The following ABI3BP variants were observed in gnomAD, a reference collection of about 807,000 sequenced individuals.
ABI3BP encodes the protein ABI family member 3 binding protein, also known as target of Nesh-SH3.
In ABI3BP, 216 loss-of-function variants were observed where a neutral mutation model predicts 268.6. The observed-to-expected ratio is 0.80, with a 90% CI of 0.72 to 0.90. The LOEUF is 0.90. Among genes scored for constraint, ABI3BP ranks in the 40% least tolerant of loss-of-function variants. ABI3BP has a pLI of 0.00. For missense variants in ABI3BP, 2,090 were observed against 2,182.4 expected, an observed-to-expected ratio of 0.96 and a Z score of 0.84; for synonymous variants, 730 against 730.0, an observed-to-expected ratio of 1.00 and a Z score of 0.00.
chr3:100,883,477 A>C (rs1396672056), intron 6 of ABI3BP, among the ~76,000 whole-genome samples: 4 of 152,240 alleles, frequency 2.6e-5, no homozygotes, highest in South Asian at 4.1e-4. Flanking sequence ...AACGCCCAAC[A>C]AACAAAGAAC....
intron 67 of ABI3BP, 110 bp from the exon 68 acceptor site, chr3:100,750,720 C>G (rs1198786288): frequency 1.4e-6 from 1 of 697,496 alleles, no homozygotes; most frequent in African/African-American, 1.8e-5. Flanking sequence ...CTTAGTGAAG[C>G]GAGGTAATTT....
In ABI3BP at chr3:100,888,852, T is replaced by C. The variant is rs2043166032; in HGVS notation, c.462-2529A>G. Among the ~76,000 whole-genome samples the C allele has an allele frequency of 2.0e-5, 3 of 149,748 alleles. No individual in the cohort carries two copies. In the Admixed American group the frequency reaches 2.0e-4, roughly 10 times the overall value. ...TTTCAAGCAGAGAGATTAGGCCACT[T>C]AACTATACTTAAAGTGGTGAAGTAA... On this transcript the variant is annotated intron_variant, in intron 4 of 67. Coordinates refer to ENST00000471714, the MANE Select transcript of ABI3BP (RefSeq NM_001375547.2).
chr3:100,957,593 C>A (rs1389705511), intron 1 of ABI3BP, among the ~76,000 whole-genome samples: 3 of 152,040 alleles, frequency 2.0e-5, no homozygotes, highest in Admixed American at 1.3e-4. Context: ...AGAAGAGATC[C>A]AGGAACTCAG....
intron 6 of ABI3BP, among the ~76,000 whole-genome samples, chr3:100,884,627 CAT>C (rs1298624692): frequency 2.0e-5 from 3 of 151,982 alleles, no homozygotes; most frequent in African/African-American, 4.8e-5. Flanking sequence ...CTTAATTAGA[CAT>C]AAAAAGATGT....
chr3:100,819,187 T>A (rs1377905335), intron 40 of ABI3BP, among the ~76,000 whole-genome samples: 1 of 152,148 alleles, frequency 6.6e-6, no homozygotes, highest in Non-Finnish European at 1.5e-5. Flanking sequence ...TTTCTTCAAC[T>A]GCTCTTATAA....
rs72930656 is a variant in ABI3BP at position 100,775,093 on chromosome 3, T to C, written c.4462+114A>G. 1,289 of 1,240,182 alleles carry C rather than the reference T, an allele frequency of 1.0e-3. 13 individuals are homozygous for C. The African/African-American group carries it at 0.017, about 17-fold the overall frequency. 76.8% of individuals were successfully genotyped at this position (1,240,182 alleles called of 1,614,324 possible). A position where few individuals can be genotyped will look rare whatever the true frequency, so the allele number is the denominator to read the frequency against. On this transcript the variant is annotated intron_variant, in intron 60 of 67. Coordinates refer to ENST00000471714, the MANE Select transcript of ABI3BP (RefSeq NM_001375547.2). ...AAATTAAAAACAACCATATTAATCA[T>C]AAAATGGAGTAAAATAGAAGACCTC...
intron 14 of ABI3BP, among the ~76,000 whole-genome samples, chr3:100,854,203 A>T (rs1177985328): frequency 7.3e-5 from 11 of 151,492 alleles, no homozygotes; most frequent in Admixed American, 5.3e-4. Flanking sequence ...AAAAAAAAAA[A>T]AATACAAAAA....
rs910656055 is a variant in ABI3BP at position 100,753,707 on chromosome 3, T to C, written c.4960+112A>G. ...AAACATTCACAACTGTTTGGTGTTA[T>C]AAGAAGACTAAGTGGAAAAACGCGA... On this transcript the variant is annotated intron_variant, in intron 65 of 67. Coordinates refer to ENST00000471714, the MANE Select transcript of ABI3BP (RefSeq NM_001375547.2). The C allele has an allele frequency of 1.6e-5, 19 of 1,158,608 alleles. No homozygotes were observed. The South Asian group carries it at 1.8e-4, about 11-fold the overall frequency. 71.8% of individuals were successfully genotyped at this position (1,158,608 alleles called of 1,614,324 possible). A position where few individuals can be genotyped will look rare whatever the true frequency, so the allele number is the denominator to read the frequency against.
rs998299077 is a variant in ABI3BP at position 100,772,484 on chromosome 3, T to C, written c.4532-1532A>G. Among the ~76,000 whole-genome samples the C allele has an allele frequency of 4.6e-5, 7 of 152,326 alleles. No homozygotes were observed. The East Asian group carries it at 1.2e-3, about 25-fold the overall frequency. ...AAAGGCCAAGAGGGGAGTAAAGCTA[T>C]GCTAGTGTGAGGTTCTTATATGTGA... On this transcript the variant is annotated intron_variant, in intron 61 of 67. Coordinates refer to ENST00000471714, the MANE Select transcript of ABI3BP (RefSeq NM_001375547.2).
intron 65 of ABI3BP, 42 bp downstream of exon 65, chr3:100,753,777 T>G (rs2095467142): frequency 6.2e-7 from 1 of 1,603,068 alleles, no homozygotes; most frequent in Non-Finnish European, 8.5e-7. Context: ...TGAATAAATT[T>G]AGAAAAGCAT....
chr3:100,985,206 G>A (rs907884444), intron 1 of ABI3BP, among the ~76,000 whole-genome samples: 1 of 136,642 alleles, frequency 7.3e-6, no homozygotes, highest in African/African-American at 2.8e-5. Context: ...CTGGAGTGCA[G>A]TGCTGCGATC....
chr3:100,873,609 G>T (rs2099131869), intron 9 of ABI3BP, among the ~76,000 whole-genome samples: 1 of 152,132 alleles, frequency 6.6e-6, no homozygotes, highest in Non-Finnish European at 1.5e-5. Context: ...CCAGCCTATT[G>T]TTATGTTTCA....
intron 1 of ABI3BP, among the ~76,000 whole-genome samples, chr3:100,977,287 A>T (rs914010559): frequency 2.0e-5 from 3 of 152,224 alleles, no homozygotes; most frequent in Non-Finnish European, 2.9e-5. Flanking sequence ...TATATAATAA[A>T]TTAACCCAAA....
chr3:100,946,222 T>G (rs976583988), intron 1 of ABI3BP, among the ~76,000 whole-genome samples: 2 of 150,814 alleles, frequency 1.3e-5, no homozygotes, highest in African/African-American at 4.9e-5. Context: ...AATGCAAAAA[T>G]TAGTCAAGCA....
chr3:100,819,564 T>C (rs2098144514), intron 40 of ABI3BP, among the ~76,000 whole-genome samples: 1 of 152,168 alleles, frequency 6.6e-6, no homozygotes, highest in Non-Finnish European at 1.5e-5. Flanking sequence ...TGTGGGAAGA[T>C]AGAAGGCACT....
chr3:100,778,354 TG>T lies in ABI3BP; in HGVS notation c.4262del (p.Pro1421HisfsTer32). ...TTCTTCGTGGGTGTGTAGGTCTGGG[TG>T]GCAAGGGTGGGCGGCGAGTCCCTGG... ...KKPGTRRPPL[P>X]PRPTHPRRKP... On this transcript the variant is annotated frameshift_variant, in exon 59 of 68. Transcript: ENST00000471714. LOFTEE classifies it high-confidence loss of function. 3 of 1,610,248 alleles carry T rather than the reference TG, an allele frequency of 1.9e-6. No homozygotes were observed. The highest frequency in any genetic ancestry group is 2.5e-6 in the Non-Finnish European group (3 of 1,178,490).
chr3:100,921,604 T>C (rs1043964827), intron 2 of ABI3BP, among the ~76,000 whole-genome samples: 1 of 152,156 alleles, frequency 6.6e-6, no homozygotes, highest in Non-Finnish European at 1.5e-5. Context: ...AGGCAATTAA[T>C]ATTTATTAAT....
chr3:100,841,125 T>C (rs576941977), intron 21 of ABI3BP, among the ~76,000 whole-genome samples: 31 of 148,492 alleles, frequency 2.1e-4, no homozygotes, highest in African/African-American at 6.7e-4. Flanking sequence ...CATGTGACTG[T>C]AATAAAGTAA....
At chr3:100,871,445 G>T (rs1345243683) in intron 9 of ABI3BP, among the ~76,000 whole-genome samples, 1 of 152,146 alleles carries the variant, frequency 6.6e-6, no homozygotes, top group Admixed American at 6.5e-5. Context: ...GATATGGTTT[G>T]GCTGTGTCCC....
Sources: allele counts gnomAD v4.1 joint callset (sites outside exome capture counted in the v4.1 genomes callset), GRCh38; gene constraint gnomAD v4.1.1; transcripts MANE v1.5; gene names NCBI Gene and HGNC (gene_info 2026-07-23, HGNC 2026-07-21).